CAMKMT: variants seen among roughly 807,000 people sequenced by gnomAD.
CAMKMT encodes the protein CaM KMT.
In CAMKMT, 53 loss-of-function variants were observed where a neutral mutation model predicts 48.0. That is an observed-to-expected ratio of 1.10 (90% CI 0.89 to 1.39). The LOEUF (loss-of-function observed/expected upper bound fraction) is 1.39. CAMKMT is among the 40% of genes most tolerant of loss of function. CAMKMT has a pLI of 0.00. For synonymous variants in CAMKMT, 165 were observed against 152.3 expected, an observed-to-expected ratio of 1.08 and a Z score of -0.61; for missense variants, 428 against 402.7, an observed-to-expected ratio of 1.06 and a Z score of -0.54.
At position 44,743,675 on chromosome 2, in the gene CAMKMT, A is replaced by G; in HGVS notation, c.677A>G (p.Asp226Gly). The G allele has an allele frequency of 6.2e-7, 1 of 1,613,154 alleles. No individual in the cohort carries two copies. The highest frequency in any genetic ancestry group is 8.5e-7 in the Non-Finnish European group (1 of 1,179,334). The change falls in exon 8 of 11, where the codon GAC becomes GGC. Residue 226 changes from aspartate to glycine, a missense_variant. Coordinates refer to ENST00000378494, the MANE Select transcript of CAMKMT (RefSeq NM_024766.5). ...GTCTCTCAACTGGAAGGACATTTTG[A>G]CATTGTTATGTGTGCTGACTGGTAA... ...TDVSQLEGHFDIVMCADCLFL... is the reference protein window; with the variant it reads ...TDVSQLEGHFGIVMCADCLFL...
intron 3 of CAMKMT, among the ~76,000 whole-genome samples, chr2:44,453,874 C>T (rs1049166285): frequency 6.6e-6 from 1 of 151,886 alleles, no homozygotes; most frequent in African/African-American, 2.4e-5. Flanking sequence ...TTTTTCTATG[C>T]TGCTTTTTAG....
chr2:44,750,262 C>T (rs2104384413), intron 8 of CAMKMT, among the ~76,000 whole-genome samples: 1 of 152,100 alleles, frequency 6.6e-6, no homozygotes, highest in Non-Finnish European at 1.5e-5. Flanking sequence ...GTTCAAGCGA[C>T]CCTCCTGCCT....
At chr2:44,557,621 A>G (rs1193395930) in intron 3 of CAMKMT, among the ~76,000 whole-genome samples, 1 of 152,198 alleles carries the variant, frequency 6.6e-6, no homozygotes, top group Non-Finnish European at 1.5e-5. Flanking sequence ...AAATAGAAAC[A>G]GTAACAACAG....
intron 1 of CAMKMT, among the ~76,000 whole-genome samples, chr2:44,364,803 A>G (rs914121013): frequency 6.6e-6 from 1 of 152,216 alleles, no homozygotes; most frequent in Non-Finnish European, 1.5e-5. Context: ...CATGTGGTCC[A>G]TATGTCTCTA....
At chr2:44,710,592 A>G (rs1333070303) in intron 6 of CAMKMT, among the ~76,000 whole-genome samples, 1 of 151,932 alleles carries the variant, frequency 6.6e-6, no homozygotes, top group Non-Finnish European at 1.5e-5. Flanking sequence ...AATTTATTCT[A>G]AAATAGTGTG....
At chr2:44,596,401 C>T (rs905722953) in intron 3 of CAMKMT, among the ~76,000 whole-genome samples, 2 of 151,788 alleles carry the variant, frequency 1.3e-5, no homozygotes, top group Admixed American at 6.6e-5. Flanking sequence ...ATGAACTAAA[C>T]ATGTGCCACT....
intron 3 of CAMKMT, among the ~76,000 whole-genome samples, chr2:44,483,906 A>G (rs1486824374): frequency 6.6e-6 from 1 of 152,166 alleles, no homozygotes; most frequent in African/African-American, 2.4e-5. Flanking sequence ...TCACAAAAAT[A>G]TATTTCTAGA....
At chr2:44,499,011 AGAT>A (rs1214006702) in intron 3 of CAMKMT, among the ~76,000 whole-genome samples, 5 of 152,212 alleles carry the variant, frequency 3.3e-5, no homozygotes, top group Admixed American at 1.3e-4. Flanking sequence ...GTAAAAATAT[AGAT>A]GATATTTGCA....
chr2:44,370,124 C>T (rs1401153345), intron 1 of CAMKMT: 1 of 152,132 alleles, frequency 6.6e-6, no homozygotes, highest in Non-Finnish European at 1.5e-5. Context: ...TTGGGTTTGA[C>T]TCTTGTGAGC....
chr2:44,575,773 C>A (rs1213158132), intron 3 of CAMKMT, among the ~76,000 whole-genome samples: 2 of 151,492 alleles, frequency 1.3e-5, no homozygotes, highest in African/African-American at 4.9e-5. Context: ...GGGAGGATTG[C>A]TTGAGCTTCG....
intron 3 of CAMKMT, among the ~76,000 whole-genome samples, chr2:44,453,970 G>T (rs1259981027): frequency 1.3e-5 from 2 of 151,960 alleles, no homozygotes; most frequent in African/African-American, 4.8e-5. Flanking sequence ...TTGTCTTAAT[G>T]GAAGTAAGAA....
chr2:44,409,837 T>A (rs1020634912), intron 3 of CAMKMT, among the ~76,000 whole-genome samples: 1 of 152,200 alleles, frequency 6.6e-6, no homozygotes, highest in African/African-American at 2.4e-5. Flanking sequence ...CTGTGTCGTT[T>A]GTTCATTCAG....
intron 3 of CAMKMT, among the ~76,000 whole-genome samples, chr2:44,515,144 A>G (rs1056867952): frequency 2.0e-5 from 3 of 152,182 alleles, no homozygotes; most frequent in Non-Finnish European, 2.9e-5. Flanking sequence ...TAACATCACA[A>G]TATTAGCTAC....
intron 3 of CAMKMT, among the ~76,000 whole-genome samples, chr2:44,446,307 C>T (rs928009275): frequency 2.0e-5 from 3 of 151,990 alleles, no homozygotes; most frequent in Non-Finnish European, 4.4e-5. Context: ...TATTCACTCT[C>T]AGAGCCTCCC....
chr2:44,382,927 A>T (rs887953827), intron 2 of CAMKMT, among the ~76,000 whole-genome samples: 6 of 152,226 alleles, frequency 3.9e-5, no homozygotes, highest in Non-Finnish European at 7.3e-5. Context: ...AAAACAAAAC[A>T]CCACATACTG....
intron 2 of CAMKMT, among the ~76,000 whole-genome samples, chr2:44,378,555 G>A (rs1321445291): frequency 4.6e-5 from 7 of 152,162 alleles, no homozygotes; most frequent in African/African-American, 1.7e-4. Context: ...GTGCAGTGGT[G>A]CAATCTTGGC....
intron 8 of CAMKMT, among the ~76,000 whole-genome samples, chr2:44,746,348 C>A (rs1223312873): frequency 2.0e-5 from 3 of 152,160 alleles, no homozygotes; most frequent in Non-Finnish European, 2.9e-5. Flanking sequence ...AAGTAAAATG[C>A]ACATGATTAC....
chr2:44,507,478 A>G (rs1215919448), intron 3 of CAMKMT, among the ~76,000 whole-genome samples: 3 of 152,100 alleles, frequency 2.0e-5, no homozygotes. Context: ...CCTACTTCTA[A>G]TTGGTGTACT....
At chr2:44,664,244 ATACTT>A (rs1162949052) in intron 3 of CAMKMT, among the ~76,000 whole-genome samples, 1 of 152,250 alleles carries the variant, frequency 6.6e-6, no homozygotes, top group Non-Finnish European at 1.5e-5. Context: ...CTCTAAGACT[ATACTT>A]TTATGATCTA....
Sources: allele counts gnomAD v4.1 joint callset (sites outside exome capture counted in the v4.1 genomes callset), GRCh38; gene constraint gnomAD v4.1.1; transcripts MANE v1.5; gene names NCBI Gene and HGNC (gene_info 2026-07-23, HGNC 2026-07-21).